ALK: variants seen among roughly 807,000 people sequenced by gnomAD.
ALK encodes ALK tyrosine kinase receptor.
Under a neutral mutation model 163.1 loss-of-function variants are expected in ALK, and 74 were observed. The ratio of observed to expected loss-of-function variants is 0.45; its 90% CI spans 0.38 to 0.55. The LOEUF (loss-of-function observed/expected upper bound fraction) is 0.55, where lower values mean the gene tolerates loss of function less well. ALK is among the 20% of genes least tolerant of loss of function. The pLI is 0.00. For missense variants in ALK, 2,063 were observed against 2,105.3 expected (o/e 0.98, Z 0.39); for synonymous variants, 960 against 843.2 (o/e 1.14, Z -2.40).
intron 3 of ALK, among the ~76,000 whole-genome samples, chr2:29,643,359 T>A (rs2148247365): frequency 6.6e-6 from 1 of 152,324 alleles, no homozygotes; most frequent in East Asian, 1.9e-4. Flanking sequence ...GAGTGGCCCC[T>A]GCATGAAGAC....
chr2:29,383,348 G>A (rs954006819), intron 5 of ALK, among the ~76,000 whole-genome samples: 1 of 150,364 alleles, frequency 6.7e-6, no homozygotes, highest in Non-Finnish European at 1.5e-5. Flanking sequence ...ACTGGGTTTC[G>A]CTCTGTTGCC....
At chr2:29,866,332 G>T (rs569002299) in intron 1 of ALK, among the ~76,000 whole-genome samples, 6 of 152,146 alleles carry the variant, frequency 3.9e-5, no homozygotes, top group African/African-American at 1.4e-4. Flanking sequence ...TGAAAGGAAG[G>T]GCAGTCAGCC....
Position 29,427,427 on chromosome 2 carries a change from C to T in ALK, c.1155-43568G>A, listed in dbSNP as rs151217332. On this transcript the variant is annotated intron_variant, in intron 4 of 28. Transcript: ENST00000389048. ...CATTAAAAAGTGGAGGGGAATAGAG[C>T]TATATGAGAGCAATGTTTCTGTATC... Among the ~76,000 whole-genome samples the T allele has an allele frequency of 1.6e-3, 246 of 151,934 alleles. 1 individual carries two copies. Among genetic ancestry groups the T allele is most frequent in the African/African-American group, 5.5e-3 (229 of 41,458 alleles).
chr2:29,605,303 G>A (rs1051512032), intron 3 of ALK, among the ~76,000 whole-genome samples: 7 of 152,138 alleles, frequency 4.6e-5, no homozygotes, highest in African/African-American at 7.2e-5. Flanking sequence ...TTCCTTGCTC[G>A]CTACTCACCT....
chr2:29,535,934 C>A (rs546862705), intron 3 of ALK, among the ~76,000 whole-genome samples: 1 of 152,276 alleles, frequency 6.6e-6, no homozygotes, highest in East Asian at 1.9e-4. Context: ...TGAACTTTCC[C>A]GCTAAGATGT....
intron 1 of ALK, among the ~76,000 whole-genome samples, chr2:29,886,936 C>T (rs574670910): frequency 1.3e-5 from 2 of 152,324 alleles, no homozygotes; most frequent in African/African-American, 4.8e-5. Flanking sequence ...GAATGAGGAA[C>T]ATTCTCACTT....
At chr2:29,342,877 C>CTTTTTT (rs57838065) in intron 5 of ALK, among the ~76,000 whole-genome samples, 400 of 90,298 alleles carry the variant, frequency 4.4e-3, no homozygotes, top group Middle Eastern at 7.6e-3. Flanking sequence ...GCTCAGTGAT[C>CTTTTTT]TTTTTTTTTT....
intron 1 of ALK, among the ~76,000 whole-genome samples, chr2:29,919,760 A>C (rs1466874694): frequency 6.6e-6 from 1 of 152,158 alleles, no homozygotes. Context: ...CAAGAGTATG[A>C]AACTTTTCCC....
chr2:29,869,085 G>A (rs951460903), intron 1 of ALK, among the ~76,000 whole-genome samples: 8 of 152,080 alleles, frequency 5.3e-5, no homozygotes, highest in African/African-American at 1.9e-4. Context: ...CCCAGCTACT[G>A]AGTCTTCCTC....
chr2:29,383,208 T>C (rs775641148), intron 5 of ALK, among the ~76,000 whole-genome samples: 9 of 152,276 alleles, frequency 5.9e-5, no homozygotes, highest in Admixed American at 3.3e-4. Context: ...TTCCCTTCTA[T>C]GTGCCTATGT....
In ALK at chr2:29,492,425, G is replaced by C. The variant is rs191868625; in HGVS notation, c.1154+39490C>G. ...AAGGATGAAGGCCCTTGATGGCTCGGGTGAGGATTGCTTAAAAAGAGTGAG... is the reference window on the plus strand; with the variant it reads ...AAGGATGAAGGCCCTTGATGGCTCGCGTGAGGATTGCTTAAAAAGAGTGAG... On this transcript the variant is annotated intron_variant, in intron 4 of 28. Coordinates refer to ENST00000389048, the MANE Select transcript of ALK (RefSeq NM_004304.5). 3.0e-3 allele frequency among the ~76,000 whole-genome samples: 460 copies of C among 152,272 alleles called. 3 individuals are homozygous for C. Among genetic ancestry groups the C allele is most frequent in the African/African-American group, 0.01 (416 of 41,560 alleles).
chr2:29,293,528 AT>A (rs150827402), intron 9 of ALK, among the ~76,000 whole-genome samples: 30 of 152,128 alleles, frequency 2.0e-4, no homozygotes, highest in African/African-American at 6.7e-4. Context: ...TCTGGGGATA[AT>A]TTTTTTTAAG....
intron 3 of ALK, among the ~76,000 whole-genome samples, chr2:29,553,456 A>T (rs1025130455): frequency 1.3e-5 from 2 of 152,234 alleles, no homozygotes; most frequent in Admixed American, 6.5e-5. Context: ...CGACTAAGAT[A>T]CCTTCCAAAC....
At chr2:29,324,607 A>G (rs534971151) in intron 6 of ALK, among the ~76,000 whole-genome samples, 1 of 152,336 alleles carries the variant, frequency 6.6e-6, no homozygotes, top group South Asian at 2.1e-4. Context: ...CCATGGGGGA[A>G]AAGTGATCTG....
intron 4 of ALK, among the ~76,000 whole-genome samples, chr2:29,471,679 A>G (rs773704127): frequency 1.3e-5 from 2 of 152,140 alleles, no homozygotes; most frequent in African/African-American, 2.4e-5. Flanking sequence ...CCGTTCCCAC[A>G]TGCTCTCACA....
chr2:29,269,773 C>T (rs1665330113), intron 11 of ALK, among the ~76,000 whole-genome samples: 1 of 152,152 alleles, frequency 6.6e-6, no homozygotes, highest in Non-Finnish European at 1.5e-5. Flanking sequence ...TAACTACGGT[C>T]CCATGCCTGC....
chr2:29,227,711 G>A lies in ALK; in HGVS notation c.2816-39C>T. On this transcript the variant is annotated intron_variant, in intron 16 of 28. Coordinates refer to ENST00000389048, the MANE Select transcript of ALK (RefSeq NM_004304.5). This position sits in a 1 kb window ranked among gnomAD's most constrained non-coding sequence, Gnocchi z 4.4. The stretch of plus-strand genomic sequence containing the variant: ...CAGAGCAGAGTTTAACATGGGGGGT[G>A]GGTGCCAAAATCTTAACACACACAC... 1 of 1,554,616 alleles carries A rather than the reference G, an allele frequency of 6.4e-7. No individual in the cohort carries two copies. Among genetic ancestry groups the A allele is most frequent in the Non-Finnish European group, 8.9e-7 (1 of 1,126,892 alleles).
At chr2:29,639,249 C>T (rs768441504) in intron 3 of ALK, among the ~76,000 whole-genome samples, 1 of 152,034 alleles carries the variant, frequency 6.6e-6, no homozygotes, top group South Asian at 2.1e-4. Flanking sequence ...AGGGTAGCTT[C>T]GGCAGGAGAT....
chr2:29,652,827 A>C (rs1296386061), intron 3 of ALK, among the ~76,000 whole-genome samples: 3 of 152,082 alleles, frequency 2.0e-5, no homozygotes, highest in Middle Eastern at 3.4e-3. Flanking sequence ...GGAGCACCAC[A>C]CCCCTTCCCC....
Sources: allele counts gnomAD v4.1 joint callset (sites outside exome capture counted in the v4.1 genomes callset), GRCh38; gene constraint gnomAD v4.1.1; non-coding constraint Gnocchi (gnomAD v3.1); transcripts MANE v1.5; gene names NCBI Gene and HGNC (gene_info 2026-07-23, HGNC 2026-07-21).